HPSE2: variants seen among roughly 807,000 people sequenced by gnomAD.
HPSE2 encodes inactive heparanase-2.
In HPSE2, 38 loss-of-function variants were observed where a neutral mutation model predicts 60.5. That is an observed-to-expected ratio of 0.63 (90% confidence interval 0.48 to 0.82). The LOEUF (loss-of-function observed/expected upper bound fraction) is 0.82, where lower values mean the gene tolerates loss of function less well. Among genes scored for constraint, HPSE2 ranks in the 40% least tolerant of loss-of-function variants. The pLI is 0.00. For missense variants in HPSE2, 713 were observed against 740.4 expected, an observed-to-expected ratio of 0.96 and a Z score of 0.43; for synonymous variants, 295 against 293.2, an observed-to-expected ratio of 1.01 and a Z score of -0.06.
intron 9 of HPSE2, among the ~76,000 whole-genome samples, chr10:98,565,015 T>C (rs1164460736): frequency 6.6e-6 from 1 of 151,694 alleles, no homozygotes; most frequent in Non-Finnish European, 1.5e-5. Flanking sequence ...CACATTATAT[T>C]ACTTGGTACT....
intron 3 of HPSE2, among the ~76,000 whole-genome samples, chr10:98,851,729 TC>T (rs1952178128): frequency 6.6e-6 from 1 of 152,200 alleles, no homozygotes; most frequent in Non-Finnish European, 1.5e-5. Context: ...ACCAGTATTT[TC>T]TTTAACTGTG....
At chr10:98,915,984 T>C (rs1162245951) in intron 3 of HPSE2, among the ~76,000 whole-genome samples, 5 of 152,162 alleles carry the variant, frequency 3.3e-5, no homozygotes, top group Admixed American at 6.5e-5. Context: ...ATTCACAACA[T>C]TCCTCAGAAA....
intron 11 of HPSE2, among the ~76,000 whole-genome samples, chr10:98,475,671 A>G (rs191701713): frequency 1.1e-4 from 16 of 152,134 alleles, no homozygotes; most frequent in Admixed American, 2.0e-4. Flanking sequence ...AGATTTTTAT[A>G]TACCTCAAAT....
the HPSE2 span, among the ~76,000 whole-genome samples, chr10:99,268,901 T>A: frequency 2.0e-5 from 3 of 151,936 alleles, no homozygotes; most frequent in Non-Finnish European, 4.4e-5. Context: ...ACGCCTGTAA[T>A]CCCAGTACTT....
intron 9 of HPSE2, among the ~76,000 whole-genome samples, chr10:98,580,933 T>C (rs1425663603): frequency 6.6e-6 from 1 of 150,426 alleles, no homozygotes; most frequent in East Asian, 1.9e-4. Context: ...ATTTGATAAT[T>C]ATTATTCATC....
chr10:99,197,202 G>C (rs1364702390), intron 2 of HPSE2, among the ~76,000 whole-genome samples: 1 of 152,126 alleles, frequency 6.6e-6, no homozygotes, highest in East Asian at 1.9e-4. Context: ...CATAGTAAAA[G>C]GATTGTTACC....
the HPSE2 span, among the ~76,000 whole-genome samples, chr10:99,300,649 C>T: frequency 6.6e-6 from 1 of 152,172 alleles, no homozygotes; most frequent in African/African-American, 2.4e-5. Flanking sequence ...ATGAGAAGGC[C>T]AACAGGCCAG....
At chr10:99,166,006 ATC>A (rs55928622) in intron 2 of HPSE2, among the ~76,000 whole-genome samples, 74,002 of 151,900 alleles carry the variant, frequency 0.49, 20,755 homozygotes, top group East Asian at 0.65. Context: ...GGTTTTGTTT[ATC>A]TGTTTCTATA....
chr10:99,162,606 G>C (rs1446496155), intron 2 of HPSE2, among the ~76,000 whole-genome samples: 1 of 152,156 alleles, frequency 6.6e-6, no homozygotes, highest in African/African-American at 2.4e-5. Flanking sequence ...AAGAGCTTCT[G>C]TGCTGAGATC....
At chr10:99,275,986 G>C in the HPSE2 span, among the ~76,000 whole-genome samples, 3,664 of 151,944 alleles carry the variant, frequency 0.024, 156 homozygotes, top group African/African-American at 0.084. Context: ...ACATAGATAA[G>C]AAAAAAACAG....
intron 9 of HPSE2, among the ~76,000 whole-genome samples, chr10:98,570,287 T>G (rs1944458071): frequency 6.6e-6 from 1 of 152,188 alleles, no homozygotes; most frequent in African/African-American, 2.4e-5. Context: ...CCCTTCCTCC[T>G]GCTATCTGCA....
chr10:99,027,759 C>G (rs1289460013), intron 3 of HPSE2, among the ~76,000 whole-genome samples: 1 of 143,184 alleles, frequency 7.0e-6, no homozygotes, highest in East Asian at 2.2e-4. Flanking sequence ...AAATCTTCAA[C>G]AAAATACTAG....
At chr10:98,622,724 ACGG>A (rs1946105639) in intron 7 of HPSE2, among the ~76,000 whole-genome samples, 1 of 152,222 alleles carries the variant, frequency 6.6e-6, no homozygotes, top group Non-Finnish European at 1.5e-5. Flanking sequence ...CTGAGAATTA[ACGG>A]TGGTGGTCAA....
At chr10:99,081,623 G>T (rs150451878) in intron 3 of HPSE2, among the ~76,000 whole-genome samples, 39 of 112,306 alleles carry the variant, frequency 3.5e-4, no homozygotes, top group African/African-American at 1.0e-3. Flanking sequence ...ATGATGATGA[G>T]ATAATATAAT....
At chr10:98,606,652 A>C (rs1945595263) in intron 9 of HPSE2, among the ~76,000 whole-genome samples, 1 of 152,254 alleles carries the variant, frequency 6.6e-6, no homozygotes, top group Non-Finnish European at 1.5e-5. Context: ...TGAAATAAGC[A>C]GAGATTGATA....
intron 8 of HPSE2, among the ~76,000 whole-genome samples, chr10:98,618,507 A>G (rs1046968765): frequency 2.6e-5 from 4 of 151,950 alleles, no homozygotes; most frequent in Admixed American, 1.3e-4. Context: ...TGCAGCATTG[A>G]CACCCTGGCT....
chr10:99,018,553 T>C (rs1957192618), intron 3 of HPSE2, among the ~76,000 whole-genome samples: 1 of 152,140 alleles, frequency 6.6e-6, no homozygotes, highest in African/African-American at 2.4e-5. Context: ...TGGTAGTGTT[T>C]AGGCCCTAAA....
chr10:98,822,822 T>C (rs1016267614), intron 3 of HPSE2, among the ~76,000 whole-genome samples: 2 of 152,234 alleles, frequency 1.3e-5, no homozygotes, highest in Non-Finnish European at 1.5e-5. Flanking sequence ...GTAGGCGGAA[T>C]GATGGCTGCC....
At chr10:98,597,502 T>A (rs1445270850) in intron 9 of HPSE2, among the ~76,000 whole-genome samples, 11 of 138,590 alleles carry the variant, frequency 7.9e-5, no homozygotes, top group Admixed American at 2.9e-4. Context: ...CTGTTTCTAC[T>A]AAAAAAAAAA....
Sources: gnomAD v4.1 joint callset for allele counts (sites outside exome capture counted in the v4.1 genomes callset) on GRCh38, gnomAD v4.1.1 for gene constraint, MANE v1.5 for transcripts, NCBI Gene and HGNC (gene_info 2026-07-23, HGNC 2026-07-21) for gene names.